Variants in CMPK2 observed in about 807,000 individuals in gnomAD.
CMPK2 encodes cytidine/uridine monophosphate kinase 2, also known as UMP-CMP kinase 2, mitochondrial.
CMPK2 carries 32 observed loss-of-function variants against 33.4 expected under a neutral mutation model. The ratio of observed to expected loss-of-function variants is 0.96; its 90% CI spans 0.72 to 1.29. The LOEUF is 1.29. CMPK2 is among the 50% of genes most tolerant of loss of function. The pLI is 0.00. For missense variants in CMPK2, 672 were observed against 616.0 expected (o/e 1.09, Z -0.96); for synonymous variants, 299 against 275.3 (o/e 1.09, Z -0.85).
chr2:6,852,686 G>A (rs1005212799), intron 3 of CMPK2, among the ~76,000 whole-genome samples: 18 of 152,150 alleles, frequency 1.2e-4, no homozygotes, highest in African/African-American at 3.6e-4. Flanking sequence ...AGTAATGCAT[G>A]TCTGGCACAT....
In CMPK2 at chr2:6,851,652, C is replaced by A; in HGVS notation, c.1024G>T (p.Ala342Ser). Residue 342 changes from alanine to serine, a missense_variant, in exon 4 of 5, where the codon GCC (alanine) becomes TCC (serine). By Grantham distance (99) the Ala-to-Ser change is moderately conservative (BLOSUM62 1). Transcript: ENST00000256722. ...YWHSTATYAI[A>S]TEVSGGLQHL... ...TGGAGACCCCCACTCACCTCAGTGG[C>A]TATGGCATAGGTGGCCGTGCTGTGC... The A allele has an allele frequency of 1.2e-6, 2 of 1,614,146 alleles. No individual in the cohort carries two copies. Among genetic ancestry groups the A allele is most frequent in the Non-Finnish European group, 1.7e-6 (2 of 1,180,018 alleles).
At chr2:6,851,173 A>T in intron 4 of CMPK2, 1 of 1,259,970 alleles carries the variant, frequency 7.9e-7, no homozygotes, top group Non-Finnish European at 1.0e-6. Context: ...GCACAGAGAC[A>T]CTTACTGTCT....
At chr2:6,852,493 C>T (rs1225147577) in intron 3 of CMPK2, among the ~76,000 whole-genome samples, 1 of 152,106 alleles carries the variant, frequency 6.6e-6, no homozygotes, top group Non-Finnish European at 1.5e-5. Context: ...CAAAACTCTC[C>T]TCTCCCTTCA....
chr2:6,847,130 C>T (rs1257378141), downstream of CMPK2, among the ~76,000 whole-genome samples: 3 of 152,114 alleles, frequency 2.0e-5, no homozygotes, highest in African/African-American at 7.2e-5. Context: ...AATGAATGTG[C>T]TTAGTCTACC....
chr2:6,844,864 G>A (rs921038124), downstream of CMPK2, among the ~76,000 whole-genome samples: 1 of 152,172 alleles, frequency 6.6e-6, no homozygotes, highest in African/African-American at 2.4e-5. Flanking sequence ...ATCTATTAGG[G>A]TCATCAGAGA....
chr2:6,857,223 G>A (rs1662731231), intron 3 of CMPK2, among the ~76,000 whole-genome samples: 2 of 152,064 alleles, frequency 1.3e-5, no homozygotes, highest in East Asian at 1.9e-4. Flanking sequence ...ATTTGTCATC[G>A]TGATGTAAGT....
At chr2:6,866,414 G>C (rs1218953432), upstream of CMPK2, 1 of 984,716 alleles carries the variant, frequency 1.0e-6, no homozygotes, top group Non-Finnish European at 1.2e-6. Context: ...ACTCACCTTT[G>C]CACACACTCA....
downstream of CMPK2, among the ~76,000 whole-genome samples, chr2:6,846,838 T>C (rs1224265723): frequency 6.6e-6 from 1 of 152,214 alleles, no homozygotes; most frequent in Admixed American, 6.5e-5. Context: ...AGGTCAACTC[T>C]TAATCATCCT....
chr2:6,857,529 G>T (rs917944759), intron 3 of CMPK2, among the ~76,000 whole-genome samples: 1 of 151,506 alleles, frequency 6.6e-6, no homozygotes, highest in Non-Finnish European at 1.5e-5. Context: ...TGTTATCAAG[G>T]CTGGTCTTGA....
At chr2:6,866,412 T>C, upstream of CMPK2, 1 of 983,190 alleles carries the variant, frequency 1.0e-6, no homozygotes, top group Non-Finnish European at 1.2e-6. Flanking sequence ...ACACTCACCT[T>C]TGCACACACT....
downstream of CMPK2, among the ~76,000 whole-genome samples, chr2:6,847,065 T>C (rs1662380770): frequency 6.6e-6 from 1 of 152,174 alleles, no homozygotes; most frequent in Non-Finnish European, 1.5e-5. Flanking sequence ...GGGGGAGCTC[T>C]AATGGGGTGC....
intron 1 of CMPK2, among the ~76,000 whole-genome samples, chr2:6,864,039 G>A (rs1441571652): frequency 2.6e-5 from 4 of 152,224 alleles, no homozygotes; most frequent in Non-Finnish European, 4.4e-5. Flanking sequence ...TCATGAAGCT[G>A]GCAGAGCAGC....
chr2:6,841,368 G>A (rs1439697730), intron 3 of CMPK2, among the ~76,000 whole-genome samples: 1 of 152,132 alleles, frequency 6.6e-6, no homozygotes, highest in Non-Finnish European at 1.5e-5. Flanking sequence ...GTGTTGCTGG[G>A]GATGGGGAGA....
chr2:6,853,856 C>T (rs1470793340), intron 3 of CMPK2, among the ~76,000 whole-genome samples: 4 of 151,684 alleles, frequency 2.6e-5, no homozygotes, highest in South Asian at 4.2e-4. Context: ...GAGCCGAGAT[C>T]GCGCCACTGC....
intron 3 of CMPK2, among the ~76,000 whole-genome samples, chr2:6,857,769 G>A (rs989923298): frequency 5.9e-5 from 9 of 151,432 alleles, no homozygotes; most frequent in Non-Finnish European, 1.3e-4. Flanking sequence ...CCGAGTAGCT[G>A]GGACTACAAG....
rs1183755446 is a variant in CMPK2, at chr2:6,863,482, C to T, written c.772G>A (p.Glu258Lys). The stretch of plus-strand genomic sequence containing the variant: ...ATCTTACCCGTGGCATCCAGTCCTT[C>T]GATGGCAACAACCTGGAACTTTCCT... ...QKGKFQVVAI[E>K]GLDATGKTTV... The change falls in exon 2 of 5, where the codon GAA (glutamate) becomes AAA (lysine). Residue 258 changes from glutamate (E) to lysine (K), a missense_variant. Glu to Lys is a moderately conservative substitution (Grantham distance 56). Coordinates refer to ENST00000256722, the MANE Select transcript of CMPK2 (RefSeq NM_207315.4). 6 of 1,614,098 alleles carry T rather than the reference C, an allele frequency of 3.7e-6. No individual in the cohort carries two copies. Among genetic ancestry groups the T allele is most frequent in the Non-Finnish European group, 4.2e-6 (5 of 1,179,948 alleles).
chr2:6,861,594 A>C (rs138838418), intron 2 of CMPK2, among the ~76,000 whole-genome samples: 1 of 152,334 alleles, frequency 6.6e-6, no homozygotes, highest in East Asian at 1.9e-4. Context: ...GTTAGTGATC[A>C]AATCTGATAT....
At chr2:6,841,242 C>G (rs1662225875) in intron 3 of CMPK2, among the ~76,000 whole-genome samples, 1 of 152,102 alleles carries the variant, frequency 6.6e-6, no homozygotes, top group Non-Finnish European at 1.5e-5. Flanking sequence ...ATAGAAATGC[C>G]TCTACCCAGC....
chr2:6,865,584 G>A lies in CMPK2; in HGVS notation c.113C>T (p.Pro38Leu). 2 of 1,383,124 alleles carry A rather than the reference G, an allele frequency of 1.4e-6. No homozygotes were observed. Among genetic ancestry groups the A allele is most frequent in the Non-Finnish European group, 1.9e-6 (2 of 1,068,284 alleles). The allele number at this position is 1,383,124 out of a possible 1,614,324, so 85.7% of individuals were successfully genotyped here. ...GGCGAAGTGAGCCAGGGTGCAGTCGGGAAGCTCCAGGACGAAGCGGCGCGG... is the reference window on the plus strand; with the variant it reads ...GGCGAAGTGAGCCAGGGTGCAGTCGAGAAGCTCCAGGACGAAGCGGCGCGG... ...APPRRFVLEL[P>L]DCTLAHFALG... The change falls in exon 1 of 5, where the codon CCC becomes CTC. Residue 38 changes from proline to leucine, a missense_variant. By Grantham distance (98) the Pro-to-Leu change is moderately conservative. Coordinates refer to ENST00000256722, the MANE Select transcript of CMPK2 (RefSeq NM_207315.4).
Sources: gnomAD v4.1 joint callset for allele counts (sites outside exome capture counted in the v4.1 genomes callset) on GRCh38, gnomAD v4.1.1 for gene constraint, MANE v1.5 for transcripts, NCBI Gene and HGNC (gene_info 2026-07-23, HGNC 2026-07-21) for gene names.